Variants in CTNNA3 observed in about 807,000 individuals in gnomAD.
The protein encoded by CTNNA3 is catenin alpha 3.
A neutral mutation model predicts 95.7 loss-of-function variants in CTNNA3; 76 were observed. The ratio of observed to expected loss-of-function variants is 0.79; its 90% CI spans 0.66 to 0.96. The LOEUF is 0.96. Among genes scored for constraint, CTNNA3 ranks in the 40% least tolerant of loss-of-function variants. CTNNA3 has a pLI of 0.00. For synonymous variants in CTNNA3, 431 were observed against 374.4 expected (o/e 1.15, Z -1.74); for missense variants, 1,191 against 1,089.8 (o/e 1.09, Z -1.31).
At chr10:67,607,487 G>T (rs1483070945) in intron 2 of CTNNA3, among the ~76,000 whole-genome samples, 1 of 152,140 alleles carries the variant, frequency 6.6e-6, no homozygotes, top group Non-Finnish European at 1.5e-5. Context: ...AGAAGAGGAG[G>T]GTTGGTCTTG....
intron 7 of CTNNA3, among the ~76,000 whole-genome samples, chr10:66,938,448 ATAT>A (rs904021519): frequency 1.3e-5 from 2 of 152,186 alleles, no homozygotes; most frequent in African/African-American, 2.4e-5. Context: ...AAAAATGAAA[ATAT>A]TATTAAGAAA....
At chr10:66,443,295 C>G (rs1409170821) in intron 11 of CTNNA3, among the ~76,000 whole-genome samples, 1 of 152,194 alleles carries the variant, frequency 6.6e-6, no homozygotes, top group African/African-American at 2.4e-5. Context: ...TGTCTGACAG[C>G]TTTGAAGAGA....
intron 5 of CTNNA3, among the ~76,000 whole-genome samples, chr10:67,378,429 C>G (rs1277134356): frequency 1.3e-5 from 2 of 152,116 alleles, no homozygotes; most frequent in Non-Finnish European, 2.9e-5. Flanking sequence ...ACACTATTAA[C>G]AAATGCCAGA....
intron 14 of CTNNA3, among the ~76,000 whole-genome samples, chr10:66,084,138 A>AAAAAAAAAAAG (rs2080879735): frequency 3.7e-5 from 5 of 135,630 alleles, no homozygotes; most frequent in African/African-American, 1.2e-4. Context: ...TTCATCTCAA[A>AAAAAAAAAAAG]AAAAAAAAAG....
At chr10:67,687,181 T>G (rs1278913131) in intron 1 of CTNNA3, among the ~76,000 whole-genome samples, 2 of 152,116 alleles carry the variant, frequency 1.3e-5, no homozygotes, top group South Asian at 4.1e-4. Context: ...AGGAAATCAA[T>G]TTCCTGGCCC....
chr10:66,094,714 A>C (rs1224345747), intron 14 of CTNNA3, among the ~76,000 whole-genome samples: 2 of 152,142 alleles, frequency 1.3e-5, no homozygotes, highest in Non-Finnish European at 2.9e-5. Flanking sequence ...ATCTCTGACA[A>C]ATCTTTGTTT....
chr10:67,557,496 GGT>G (rs1393503447), intron 3 of CTNNA3, among the ~76,000 whole-genome samples: 1 of 151,964 alleles, frequency 6.6e-6, no homozygotes, highest in East Asian at 1.9e-4. Flanking sequence ...AGAACATATT[GGT>G]TGTGTGGGTG....
intron 8 of CTNNA3, among the ~76,000 whole-genome samples, chr10:66,772,339 T>A (rs4589171): frequency 6.6e-6 from 1 of 151,190 alleles, no homozygotes; most frequent in African/African-American, 2.4e-5. Flanking sequence ...GCAGGAGAAT[T>A]GCCTGAACCT....
intron 15 of CTNNA3, among the ~76,000 whole-genome samples, chr10:66,037,846 CAT>C (rs1288713960): frequency 1.3e-5 from 2 of 152,106 alleles, no homozygotes; most frequent in East Asian, 1.9e-4. Flanking sequence ...ACTAGGAAAA[CAT>C]AGAGTTTTTT....
chr10:67,618,232 C>T (rs1014419586), intron 2 of CTNNA3, among the ~76,000 whole-genome samples: 3 of 152,140 alleles, frequency 2.0e-5, no homozygotes, highest in African/African-American at 7.2e-5. Flanking sequence ...AAAATCCAAT[C>T]ATACCAAAGA....
At chr10:66,735,597 T>A (rs544033713) in intron 9 of CTNNA3, among the ~76,000 whole-genome samples, 2 of 152,156 alleles carry the variant, frequency 1.3e-5, no homozygotes, top group African/African-American at 4.8e-5. Flanking sequence ...TGATTCACTA[T>A]GGGTCAGTCT....
chr10:66,631,670 A>C (rs1845139483), intron 9 of CTNNA3, among the ~76,000 whole-genome samples: 2 of 152,182 alleles, frequency 1.3e-5, no homozygotes, highest in African/African-American at 4.8e-5. Flanking sequence ...AGCAAGTGTC[A>C]TGCTCAAAAT....
intron 6 of CTNNA3, among the ~76,000 whole-genome samples, chr10:67,206,318 G>T (rs981554194): frequency 6.6e-6 from 1 of 152,060 alleles, no homozygotes; most frequent in Admixed American, 6.5e-5. Context: ...CATTTCTTTA[G>T]CTGATTGCCT....
At chr10:66,017,248 G>T (rs747594594) in intron 15 of CTNNA3, among the ~76,000 whole-genome samples, 1 of 152,040 alleles carries the variant, frequency 6.6e-6, no homozygotes, top group Non-Finnish European at 1.5e-5. Context: ...TCTCATACCA[G>T]TGTGGTGCCT....
At chr10:66,296,193 A>G (rs1295528960) in intron 12 of CTNNA3, among the ~76,000 whole-genome samples, 6 of 152,124 alleles carry the variant, frequency 3.9e-5, no homozygotes, top group Non-Finnish European at 8.8e-5. Flanking sequence ...TTAGCCTATT[A>G]TTAAAACAGA....
chr10:67,371,308 C>A (rs1199178645), intron 5 of CTNNA3, among the ~76,000 whole-genome samples: 1 of 151,430 alleles, frequency 6.6e-6, no homozygotes, highest in Non-Finnish European at 1.5e-5. Context: ...TATACATGTG[C>A]CATGTTGGTG....
At chr10:66,315,864 A>G (rs1017329949) in intron 12 of CTNNA3, among the ~76,000 whole-genome samples, 7 of 152,214 alleles carry the variant, frequency 4.6e-5, no homozygotes, top group Non-Finnish European at 1.0e-4. Context: ...AATAAACAAT[A>G]CTATCTTAAG....
chr10:66,309,948 A>C, intron 12 of CTNNA3, among the ~76,000 whole-genome samples: 1 of 139,356 alleles, frequency 7.2e-6, no homozygotes, highest in African/African-American at 3.0e-5. Flanking sequence ...TAAATAAATA[A>C]ATAAATAAAA....
chr10:65,935,022 T>A (rs1395222687), intron 17 of CTNNA3, among the ~76,000 whole-genome samples: 2 of 152,000 alleles, frequency 1.3e-5, no homozygotes, highest in East Asian at 3.9e-4. Flanking sequence ...CATATGACTG[T>A]CCCCTATTCA....
Sources: allele counts gnomAD v4.1 joint callset (sites outside exome capture counted in the v4.1 genomes callset), GRCh38; gene constraint gnomAD v4.1.1; transcripts MANE v1.5; gene names NCBI Gene and HGNC (gene_info 2026-07-23, HGNC 2026-07-21).